The following ZBTB8OS variants were observed in gnomAD, a reference collection of about 807,000 sequenced individuals.
ZBTB8OS encodes the protein tRNA-splicing ligase-activating factor archease.
A neutral mutation model predicts 29.3 loss-of-function variants in ZBTB8OS; 16 were observed. That is an observed-to-expected ratio of 0.55 (90% confidence interval 0.37 to 0.83). The LOEUF (loss-of-function observed/expected upper bound fraction) is 0.83. ZBTB8OS is among the 40% of genes least tolerant of loss of function. The pLI is 0.00. For synonymous variants in ZBTB8OS, 70 were observed against 64.6 expected, an observed-to-expected ratio of 1.08 and a Z score of -0.40; for missense variants, 160 against 196.9, an observed-to-expected ratio of 0.81 and a Z score of 1.12.
At chr1:32,650,167 A>T (rs895099010) in intron 1 of ZBTB8OS, among the ~76,000 whole-genome samples, 6 of 152,296 alleles carry the variant, frequency 3.9e-5, no homozygotes, top group African/African-American at 1.2e-4. Context: ...TTTAGAATTT[A>T]CGAAGATAAA....
At chr1:32,641,521 C>G (rs1182325793) in intron 1 of ZBTB8OS, among the ~76,000 whole-genome samples, 1 of 149,618 alleles carries the variant, frequency 6.7e-6, no homozygotes, top group African/African-American at 2.4e-5. Flanking sequence ...GATCCACCGC[C>G]TCGGCCTCCC....
At chr1:32,637,539 G>C (rs1000078789) in intron 1 of ZBTB8OS, among the ~76,000 whole-genome samples, 1 of 151,752 alleles carries the variant, frequency 6.6e-6, no homozygotes, top group Non-Finnish European at 1.5e-5. Context: ...CCGCACTCCA[G>C]TGTGGGTGAC....
At chr1:32,631,527 G>A (rs1407763458) in intron 5 of ZBTB8OS, among the ~76,000 whole-genome samples, 1 of 152,156 alleles carries the variant, frequency 6.6e-6, no homozygotes, top group Non-Finnish European at 1.5e-5. Flanking sequence ...AGGTCTAGAA[G>A]TGAGAACATA....
intron 6 of ZBTB8OS, among the ~76,000 whole-genome samples, chr1:32,627,166 G>A (rs905046556): frequency 1.3e-5 from 2 of 152,104 alleles, no homozygotes; most frequent in African/African-American, 4.8e-5. Context: ...GGCAAATACA[G>A]AATCTAGAGA....
chr1:32,649,616 G>A (rs1372627168), intron 1 of ZBTB8OS, among the ~76,000 whole-genome samples: 7 of 150,356 alleles, frequency 4.7e-5, no homozygotes, highest in Non-Finnish European at 8.9e-5. Flanking sequence ...ACGACAGAGC[G>A]AGACCCCATC....
At chr1:32,646,515 G>A (rs1307898936) in intron 1 of ZBTB8OS, among the ~76,000 whole-genome samples, 1 of 151,316 alleles carries the variant, frequency 6.6e-6, no homozygotes, top group Admixed American at 6.6e-5. Context: ...AGCCTCCCGA[G>A]TAGCTGGGAC....
At chr1:32,650,683 C>T (rs1647422453), upstream of ZBTB8OS, 2 of 1,384,010 alleles carry the variant, frequency 1.4e-6, no homozygotes, top group Non-Finnish European at 2.0e-6. Context: ...TAGTCCCTAC[C>T]CTGCCGCTTG....
intron 1 of ZBTB8OS, among the ~76,000 whole-genome samples, chr1:32,635,717 A>T (rs1010747377): frequency 2.0e-5 from 3 of 152,216 alleles, no homozygotes; most frequent in African/African-American, 4.8e-5. Flanking sequence ...TGACAGTGAA[A>T]GAAATCGGAC....
intron 4 of ZBTB8OS, chr1:32,633,440 G>C (rs1416131862): frequency 2.0e-6 from 1 of 501,826 alleles, no homozygotes; most frequent in African/African-American, 2.0e-5. Context: ...ACAAATACAT[G>C]AGATCTAAAT....
chr1:32,636,727 G>T (rs1026696928), intron 1 of ZBTB8OS, among the ~76,000 whole-genome samples: 1 of 151,544 alleles, frequency 6.6e-6, no homozygotes, highest in African/African-American at 2.4e-5. Flanking sequence ...GAAGAAGAGG[G>T]TCAGGTCCCT....
At chr1:32,634,216 T>C (rs1173581062) in intron 2 of ZBTB8OS, 144 bp from the exon 3 acceptor site, 2 of 568,624 alleles carry the variant, frequency 3.5e-6, no homozygotes, top group Admixed American at 7.7e-5. Flanking sequence ...ACCAGGTGCT[T>C]TTCTTTTTAT....
At chr1:32,645,310 C>G (rs939845831) in intron 1 of ZBTB8OS, among the ~76,000 whole-genome samples, 1 of 152,112 alleles carries the variant, frequency 6.6e-6, no homozygotes, top group African/African-American at 2.4e-5. Flanking sequence ...TCAGCCTAGG[C>G]AACACGACAA....
At chr1:32,624,250 CA>C (rs920125695) in intron 6 of ZBTB8OS, among the ~76,000 whole-genome samples, 2 of 152,174 alleles carry the variant, frequency 1.3e-5, no homozygotes, top group African/African-American at 4.8e-5. Context: ...TCCCCTCCTC[CA>C]ACCACTCTTA....
At chr1:32,640,887 G>A (rs943614084) in intron 1 of ZBTB8OS, among the ~76,000 whole-genome samples, 8 of 152,066 alleles carry the variant, frequency 5.3e-5, no homozygotes, top group Admixed American at 3.3e-4. Flanking sequence ...TCACTTTCAA[G>A]GGTGTGGAGG....
At chr1:32,623,603 G>A (rs140324227) in intron 6 of ZBTB8OS, among the ~76,000 whole-genome samples, 110 of 152,232 alleles carry the variant, frequency 7.2e-4, no homozygotes, top group African/African-American at 2.6e-3. Context: ...ACTCCCATAC[G>A]TGAGTACTTG....
chr1:32,627,892 A>G (rs1645236064), intron 5 of ZBTB8OS: 1 of 198,432 alleles, frequency 5.0e-6, no homozygotes, highest in Admixed American at 5.8e-5. Flanking sequence ...AAAAATAAAA[A>G]AAGTTAGCTG....
In ZBTB8OS at chr1:32,623,317, C is replaced by T. The variant is rs143484653; in HGVS notation, c.418-1369G>A. Reference sequence around the variant, plus strand: ...TGGTATCACCCTGAGTGTATGTCCACACATCTCAAACAGGAATTCAGTACT... The same window carrying T: ...TGGTATCACCCTGAGTGTATGTCCATACATCTCAAACAGGAATTCAGTACT... On this transcript the variant is annotated intron_variant, in intron 6 of 6. Transcript: ENST00000468695. Among the ~76,000 whole-genome samples the T allele has an allele frequency of 2.1e-3, 325 of 152,298 alleles. 1 individual carries two copies. The highest frequency in any genetic ancestry group is 3.7e-3 in the Non-Finnish European group (251 of 68,024).
At chr1:32,626,705 C>T (rs1278936089) in intron 6 of ZBTB8OS, among the ~76,000 whole-genome samples, 6 of 152,262 alleles carry the variant, frequency 3.9e-5, no homozygotes, top group Non-Finnish European at 7.4e-5. Flanking sequence ...CGTGCCACCA[C>T]GCCCAGCTAA....
chr1:32,633,749 A>G, intron 3 of ZBTB8OS, 22 bp from the exon 4 acceptor site: 1 of 1,557,236 alleles, frequency 6.4e-7, no homozygotes. Context: ...CAAATAGTAT[A>G]TTTAATAATT....
Sources: gnomAD v4.1 joint callset for allele counts (sites outside exome capture counted in the v4.1 genomes callset) on GRCh38, gnomAD v4.1.1 for gene constraint, MANE v1.5 for transcripts, NCBI Gene and HGNC (gene_info 2026-07-23, HGNC 2026-07-21) for gene names.